LAMC1: variants seen among roughly 807,000 people sequenced by gnomAD.
The protein encoded by LAMC1 is laminin subunit gamma-1.
Under a neutral mutation model 173.6 loss-of-function variants are expected in LAMC1, and 38 were observed. The ratio of observed to expected loss-of-function variants is 0.22; its 90% CI spans 0.17 to 0.29. LAMC1 has a LOEUF of 0.29. LAMC1 is among the 10% of genes least tolerant of loss of function. LAMC1 has a pLI of 1.00. For synonymous variants in LAMC1, 746 were observed against 749.1 expected, an observed-to-expected ratio of 1.00 and a Z score of 0.07; for missense variants, 1,824 against 2,051.8, an observed-to-expected ratio of 0.89 and a Z score of 2.14.
intron 1 of LAMC1, among the ~76,000 whole-genome samples, chr1:183,079,238 T>G (rs1331240905): frequency 4.3e-5 from 1 of 23,026 alleles, no homozygotes; most frequent in Non-Finnish European, 9.0e-5. Flanking sequence ...TCTGGTTTTT[T>G]TTTTTTTTTT....
At chr1:183,035,981 A>G (rs994413053) in intron 1 of LAMC1, among the ~76,000 whole-genome samples, 7 of 150,670 alleles carry the variant, frequency 4.6e-5, no homozygotes, top group African/African-American at 1.5e-4. Context: ...CCACTCCCCT[A>G]TTTTTCCTAT....
At chr1:183,062,230 T>C (rs1029286341) in intron 1 of LAMC1, among the ~76,000 whole-genome samples, 12 of 152,264 alleles carry the variant, frequency 7.9e-5, no homozygotes, top group Non-Finnish European at 1.8e-4. Context: ...GTTTCAAAGA[T>C]ACGAAGATTC....
At chr1:183,112,094 AT>A (rs1195012264) in intron 4 of LAMC1, among the ~76,000 whole-genome samples, 1 of 152,176 alleles carries the variant, frequency 6.6e-6, no homozygotes, top group Non-Finnish European at 1.5e-5. Flanking sequence ...AGGGACCACT[AT>A]CTTAACTCAC....
intron 4 of LAMC1, among the ~76,000 whole-genome samples, chr1:183,112,433 T>C (rs1011305208): frequency 1.3e-5 from 2 of 152,186 alleles, no homozygotes; most frequent in African/African-American, 4.8e-5. Flanking sequence ...GCAAATGAAC[T>C]GAGTACTGTA....
Position 183,101,423 on chromosome 1 carries a change from T to C in LAMC1, c.419-1905T>C, listed in dbSNP as rs1035941395. Among the ~76,000 whole-genome samples the C allele has an allele frequency of 3.3e-5, 5 of 151,060 alleles. No homozygotes were observed. In the Admixed American group the frequency reaches 3.3e-4, roughly 10 times the overall value. The stretch of plus-strand genomic sequence containing the variant: ...GTGTAAACTGTATTTGTGTGACTTG[T>C]GTCTAGGCAAAATGCACTGCATCCT... On this transcript the variant is annotated intron_variant, in intron 1 of 27. Coordinates refer to ENST00000258341, the MANE Select transcript of LAMC1 (RefSeq NM_002293.4).
At chr1:183,027,154 G>C (rs1345744271) in intron 1 of LAMC1, among the ~76,000 whole-genome samples, 3 of 152,180 alleles carry the variant, frequency 2.0e-5, no homozygotes, top group African/African-American at 7.2e-5. Context: ...TCTGAAAACA[G>C]CGCTCTCTTA....
intron 16 of LAMC1, among the ~76,000 whole-genome samples, 167 bp from the exon 17 acceptor site, chr1:183,127,059 T>C (rs1202070935): frequency 6.6e-6 from 1 of 152,244 alleles, no homozygotes; most frequent in African/African-American, 2.4e-5. Context: ...GTCAGTTTTC[T>C]CTGCTAAACA....
chr1:183,061,141 G>C (rs1654736586), intron 1 of LAMC1, among the ~76,000 whole-genome samples: 1 of 152,166 alleles, frequency 6.6e-6, no homozygotes, highest in South Asian at 2.1e-4. Flanking sequence ...ACTGAAAACA[G>C]CAAACCACAA....
At chr1:183,056,680 A>G (rs1654605854) in intron 1 of LAMC1, among the ~76,000 whole-genome samples, 1 of 152,304 alleles carries the variant, frequency 6.6e-6, no homozygotes, top group Middle Eastern at 3.4e-3. Flanking sequence ...ACAGGTGAGG[A>G]AGCTGAGGTC....
At chr1:183,052,715 C>T (rs758674224) in intron 1 of LAMC1, among the ~76,000 whole-genome samples, 8 of 152,160 alleles carry the variant, frequency 5.3e-5, no homozygotes, top group Non-Finnish European at 1.2e-4. Flanking sequence ...TTAAGCACAG[C>T]CTGCTTGGGT....
chr1:183,053,050 C>A (rs36020869), intron 1 of LAMC1, among the ~76,000 whole-genome samples: 268 of 152,226 alleles, frequency 1.8e-3, no homozygotes, highest in Non-Finnish European at 2.6e-3. Context: ...GTTCTCTGTA[C>A]TTCTGTTTCC....
intron 2 of LAMC1, among the ~76,000 whole-genome samples, chr1:183,104,506 G>A (rs1185261354): frequency 3.3e-5 from 5 of 152,218 alleles, no homozygotes; most frequent in African/African-American, 1.2e-4. Context: ...GATAGCCTTT[G>A]TCAGTTGACT....
In LAMC1 at chr1:183,132,403, T is replaced by C; in HGVS notation, c.3570T>C (p.His1190=). 1.2e-6 allele frequency: 2 copies of C among 1,613,630 alleles called. No homozygotes were observed. The highest frequency in any genetic ancestry group is 1.7e-6 in the Non-Finnish European group (2 of 1,179,692). ...ATTTTTTGTTTTATCTGTATAGTCA[T>C]AAACAGGAAGCTGATGACATTGTTC... ...AEEARKLAER[H]KQEADDIVRV... is the part of the protein sequence containing the mutation. The change falls in exon 21 of 28, where the codon CAT becomes CAC. Residue 1190 remains histidine, a synonymous_variant. Transcript: ENST00000258341.
At chr1:183,127,118 T>TA (rs1656640349) in intron 16 of LAMC1, 108 bp from the exon 17 acceptor site, 2 of 999,302 alleles carry the variant, frequency 2.0e-6, no homozygotes, top group African/African-American at 1.6e-5. Flanking sequence ...TCAAAAAAAT[T>TA]ATGACAGTAT....
chr1:183,108,742 G>A (rs1474537194), intron 3 of LAMC1, among the ~76,000 whole-genome samples: 4 of 152,146 alleles, frequency 2.6e-5, no homozygotes, highest in Admixed American at 6.6e-5. Flanking sequence ...CTTATCCTAC[G>A]GAGAAGTCCT....
Position 183,082,679 on chromosome 1 carries a change from G to A in LAMC1, c.419-20649G>A, listed in dbSNP as rs959701773. 5.3e-5 allele frequency among the ~76,000 whole-genome samples: 8 copies of A among 152,294 alleles called. No individual in the cohort carries two copies. The South Asian group carries it at 1.0e-3, about 20-fold the overall frequency. On this transcript the variant is annotated intron_variant, in intron 1 of 27. Coordinates refer to ENST00000258341, the MANE Select transcript of LAMC1 (RefSeq NM_002293.4). ...ATTGTTAATGTGATTATGCACTGAT[G>A]TGCTTTCATTATATTAGTATTGGTG...
At chr1:183,034,173 A>G (rs1370040863) in intron 1 of LAMC1, among the ~76,000 whole-genome samples, 1 of 152,222 alleles carries the variant, frequency 6.6e-6, no homozygotes, top group Admixed American at 6.5e-5. Context: ...TGTGTGAGTT[A>G]TGATAGATGT....
At chr1:183,118,279 T>G in intron 11 of LAMC1, 133 bp downstream of exon 11, 4 of 538,964 alleles carry the variant, frequency 7.4e-6, no homozygotes, top group Non-Finnish European at 1.3e-5. Context: ...TATACATGAA[T>G]TATATATAAA....
chr1:183,074,238 A>G (rs964720847), intron 1 of LAMC1, among the ~76,000 whole-genome samples: 2 of 152,228 alleles, frequency 1.3e-5, no homozygotes, highest in Non-Finnish European at 2.9e-5. Flanking sequence ...GTATTTTTAT[A>G]CAAAAAAACA....
Sources: allele counts gnomAD v4.1 joint callset (sites outside exome capture counted in the v4.1 genomes callset), GRCh38; gene constraint gnomAD v4.1.1; transcripts MANE v1.5; gene names NCBI Gene and HGNC (gene_info 2026-07-23, HGNC 2026-07-21).